Variants in ZRANB1 observed in about 807,000 individuals in gnomAD.
The protein encoded by ZRANB1 is zinc finger RANBP2-type containing 1, also known as ubiquitin thioesterase ZRANB1.
A neutral mutation model predicts 80.5 loss-of-function variants in ZRANB1; 16 were observed. That is an observed-to-expected ratio of 0.20 (90% CI 0.13 to 0.30). The LOEUF (loss-of-function observed/expected upper bound fraction) is 0.30. Among genes scored for constraint, ZRANB1 ranks in the 10% least tolerant of loss-of-function variants. The pLI, the probability that ZRANB1 is intolerant of heterozygous loss-of-function variation, is 1.00. For synonymous variants in ZRANB1, 291 were observed against 293.1 expected, an observed-to-expected ratio of 0.99 and a Z score of 0.07; for missense variants, 576 against 862.6, an observed-to-expected ratio of 0.67 and a Z score of 4.16.
Position 124,977,711 on chromosome 10 carries a change from G to GAA in ZRANB1, c.1427+3337_1427+3338dup, listed in dbSNP as rs752296814. 7.8e-3 allele frequency among the ~76,000 whole-genome samples: 380 copies of GAA among 48,688 alleles called. 3 individuals carry two copies. Among genetic ancestry groups the GAA allele is most frequent in the African/African-American group, 0.016 (225 of 13,692 alleles). The allele number at this position is 48,688 out of a possible 152,430, so 31.9% of individuals were successfully genotyped here. ...AGGTGACAGAGTGAGACCCTGCTAAGAAAAAAAAAAAAAAAAAAAAAAAAA... is the reference window on the plus strand; with the variant it reads ...AGGTGACAGAGTGAGACCCTGCTAAGAAAAAAAAAAAAAAAAAAAAAAAAAAA... On this transcript the variant is annotated intron_variant, in intron 5 of 8. Coordinates refer to ENST00000359653, the MANE Select transcript of ZRANB1 (RefSeq NM_017580.3).
chr10:124,983,814 T>G lies in ZRANB1; in HGVS notation c.1908+126T>G, dbSNP rs576744447. The stretch of plus-strand genomic sequence containing the variant: ...TTCTGAATGTGATGGTAGTAATTGC[T>G]GAAGGTACTAGCTATACTTTGAAAT... On this transcript the variant is annotated intron_variant, in intron 8 of 8. Transcript: ENST00000359653. This position sits in a 1 kb window ranked among gnomAD's most constrained non-coding sequence, Gnocchi z 6.2. 2.8e-6 allele frequency: 2 copies of G among 702,856 alleles called. No individual in the cohort carries two copies. Among genetic ancestry groups the G allele is most frequent in the African/African-American group, 3.6e-5 (2 of 56,026 alleles). 43.5% of individuals were successfully genotyped at this position (702,856 alleles called of 1,614,324 possible). A position where few individuals can be genotyped will look rare whatever the true frequency, so the allele number is the denominator to read the frequency against.
chr10:124,963,495 G>A (rs1378281956), intron 1 of ZRANB1, among the ~76,000 whole-genome samples: 1 of 146,884 alleles, frequency 6.8e-6, no homozygotes, highest in African/African-American at 2.5e-5. Context: ...ACATTAAAAG[G>A]TGCTCAAAGT....
intron 1 of ZRANB1, among the ~76,000 whole-genome samples, chr10:124,957,720 G>A (rs1205962202): frequency 6.6e-6 from 1 of 151,694 alleles, no homozygotes; most frequent in Non-Finnish European, 1.5e-5. Flanking sequence ...ATCTGGGTCA[G>A]AATTTCCTTC....
chr10:124,924,552 T>A, the ZRANB1 span, among the ~76,000 whole-genome samples: 5 of 152,232 alleles, frequency 3.3e-5, no homozygotes, highest in African/African-American at 1.2e-4. Context: ...ATTCTGGATA[T>A]GTCGTAAATG....
chr10:124,940,700 G>A (rs1951527330), upstream of ZRANB1, among the ~76,000 whole-genome samples: 1 of 152,058 alleles, frequency 6.6e-6, no homozygotes, highest in African/African-American at 2.4e-5. Context: ...TTTAGGCCAG[G>A]CGTGGTGGTT....
rs769261159 is a variant in ZRANB1 at position 124,974,335 on chromosome 10, T to G, written c.1364T>G (p.Ile455Ser). 1 of 1,614,262 alleles carries G rather than the reference T, an allele frequency of 6.2e-7. No homozygotes were observed. Among genetic ancestry groups the G allele is most frequent in the Non-Finnish European group, 8.5e-7 (1 of 1,180,048 alleles). ...LDSVLQATWGIYDKDSVLRKA... is the reference protein window; with the variant it reads ...LDSVLQATWGSYDKDSVLRKA... ...TCAGTTCTACAAGCTACCTGGGGCA[T>G]CTATGACAAGGACTCAGTGCTTCGG... The change falls in exon 5 of 9, where the codon ATC becomes AGC. Residue 455 changes from isoleucine to serine, a missense_variant. Transcript: ENST00000359653.
intron 1 of ZRANB1, among the ~76,000 whole-genome samples, chr10:124,954,446 G>GTTT (rs1227693538): frequency 6.5e-5 from 8 of 123,642 alleles, no homozygotes; most frequent in Admixed American, 1.7e-4. Flanking sequence ...TACATTAAAA[G>GTTT]TTTTTTTTTT....
intron 1 of ZRANB1, among the ~76,000 whole-genome samples, chr10:124,959,665 T>C (rs1453724065): frequency 6.6e-6 from 1 of 152,116 alleles, no homozygotes; most frequent in Non-Finnish European, 1.5e-5. Flanking sequence ...ATTGGGTTTC[T>C]CCCAGGCTGG....
chr10:124,979,825 C>G (rs1951917174), intron 5 of ZRANB1, among the ~76,000 whole-genome samples: 1 of 152,128 alleles, frequency 6.6e-6, no homozygotes, highest in Non-Finnish European at 1.5e-5. Flanking sequence ...ATTAGTTGAC[C>G]ATAAAAGTAA....
chr10:124,981,915 G>T, intron 6 of ZRANB1, 86 bp downstream of exon 6: 1 of 1,514,646 alleles, frequency 6.6e-7, no homozygotes, highest in Non-Finnish European at 9.0e-7. Flanking sequence ...CATGTTGGGG[G>T]CAATGTGGTC....
rs150958846 is a variant in ZRANB1 at position 124,958,639 on chromosome 10, A to G, written c.815-7955A>G. ...TGAATCAACATGTTACCTTTTAAAA[A>G]TGAATGTGTAATATGACATTGAATT... is the stretch of plus-strand genomic sequence containing the variant. On this transcript the variant is annotated intron_variant, in intron 1 of 8. Transcript: ENST00000359653. Among the ~76,000 whole-genome samples the G allele has an allele frequency of 5.0e-3, 758 of 152,288 alleles. 3 individuals are homozygous for G. Among genetic ancestry groups the G allele is most frequent in the African/African-American group, 0.015 (616 of 41,550 alleles).
chr10:124,960,596 T>A (rs566266169), intron 1 of ZRANB1, among the ~76,000 whole-genome samples: 1 of 152,238 alleles, frequency 6.6e-6, no homozygotes, highest in South Asian at 2.1e-4. Context: ...TTTTAAAAAA[T>A]TTTTGTAAAG....
chr10:124,985,331 A>T lies in ZRANB1; in HGVS notation c.*339A>T, dbSNP rs2134009713. 5.4e-6 allele frequency: 1 copy of T among 186,088 alleles called. No homozygotes were observed. Among genetic ancestry groups the T allele is most frequent in the Admixed American group, 6.0e-5 (1 of 16,574 alleles). The allele number at this position is 186,088 out of a possible 1,614,324, so 11.5% of individuals were successfully genotyped here. A position where few individuals can be genotyped will look rare whatever the true frequency, so the allele number is the denominator to read the frequency against. Reference sequence around the variant, plus strand: ...AAAGTTGTACCAGCATCTTCATATTATTGAGAAAATTTTTTCCAGCATGGG... The same window carrying T: ...AAAGTTGTACCAGCATCTTCATATTTTTGAGAAAATTTTTTCCAGCATGGG... On this transcript the variant is annotated 3_prime_UTR_variant, in exon 9 of 9. Transcript: ENST00000359653.
chr10:124,987,316 CAG>C lies in ZRANB1; in HGVS notation c.*2327_*2328del, dbSNP rs1262652889. 1 of 152,300 alleles carries C rather than the reference CAG, an allele frequency of 6.6e-6. No individual in the cohort carries two copies. Among genetic ancestry groups the C allele is most frequent in the Non-Finnish European group, 1.5e-5 (1 of 67,994 alleles). The allele number at this position is 152,300 out of a possible 1,614,324, so 9.4% of individuals were successfully genotyped here. On this transcript the variant is annotated 3_prime_UTR_variant, in exon 9 of 9. Transcript: ENST00000359653. ...TTGATGGTTCTTTTTCTAGAGCAAA[CAG>C]AGCGTGGCATTTTGTTTTGACTTGT...
In ZRANB1 at chr10:124,943,453, G is replaced by A. The variant is rs894098767; in HGVS notation, c.814+146G>A. On this transcript the variant is annotated intron_variant, in intron 1 of 8. Transcript: ENST00000359653. ...TTTGAGGCTGTAGTATGCCATGATC[G>A]GTCTGTGAATAGCACTTGCACTCCA... is the stretch of plus-strand genomic sequence containing the variant. 5.4e-5 allele frequency: 40 copies of A among 734,276 alleles called. No homozygotes were observed. The African/African-American group carries it at 7.1e-4, about 13-fold the overall frequency. 45.5% of individuals were successfully genotyped at this position (734,276 alleles called of 1,614,324 possible).
chr10:124,952,498 ACCT>A, intron 1 of ZRANB1, among the ~76,000 whole-genome samples: 1 of 152,166 alleles, frequency 6.6e-6, no homozygotes, highest in Non-Finnish European at 1.5e-5. Context: ...TGAACTTCTG[ACCT>A]CCTGAATTCT....
chr10:124,977,777 G>T (rs1030694638), intron 5 of ZRANB1, among the ~76,000 whole-genome samples: 1 of 151,172 alleles, frequency 6.6e-6, no homozygotes, highest in Admixed American at 6.6e-5. Context: ...TTGTAAATAG[G>T]CTAGATAGGG....
At chr10:124,919,646 C>G in the ZRANB1 span, among the ~76,000 whole-genome samples, 8 of 131,902 alleles carry the variant, frequency 6.1e-5, no homozygotes, top group East Asian at 1.8e-3. Context: ...TAGTCTCTCT[C>G]TGTCACCCAG....
Sources: allele counts gnomAD v4.1 joint callset (sites outside exome capture counted in the v4.1 genomes callset), GRCh38; gene constraint gnomAD v4.1.1; non-coding constraint Gnocchi (gnomAD v3.1); transcripts MANE v1.5; gene names NCBI Gene and HGNC (gene_info 2026-07-23, HGNC 2026-07-21).